DRD3: variants seen among roughly 807,000 people sequenced by gnomAD.
DRD3 encodes the protein dopamine receptor D3.
A neutral mutation model predicts 36.3 loss-of-function variants in DRD3; 19 were observed. The observed-to-expected ratio is 0.52, with a 90% CI of 0.36 to 0.77. The LOEUF is 0.77. DRD3 is among the 30% of genes least tolerant of loss of function. DRD3 has a pLI of 0.00. For missense variants in DRD3, 465 were observed against 505.3 expected (o/e 0.92, Z 0.77); for synonymous variants, 195 against 203.7 (o/e 0.96, Z 0.36).
At chr3:114,176,118 T>C (rs535587054) in intron 1 of DRD3, 1 of 152,298 alleles carries the variant, frequency 6.6e-6, no homozygotes, top group South Asian at 2.1e-4. Flanking sequence ...TGAATAACAG[T>C]CTTCCTGAAA....
chr3:114,131,180 AG>A lies in DRD3; in HGVS notation c.943del (p.Leu315CysfsTer33). 1 of 1,614,180 alleles carries A rather than the reference AG, an allele frequency of 6.2e-7. No individual in the cohort carries two copies. Among genetic ancestry groups the A allele is most frequent in the Non-Finnish European group, 8.5e-7 (1 of 1,180,044 alleles). On this transcript the variant is annotated frameshift_variant, in exon 6 of 7. Transcript: ENST00000383673. LOFTEE classifies it high-confidence loss of function. ...RLSTSLKLGP[L>X]QPRGVPLREK... ...CCGAAGTGGCACTCCCCGAGGTTGC[AG>A]GGGCCCCAGCTTCAAAGATGTCGAT...
chr3:114,131,079 T>G, intron 6 of DRD3, 39 bp downstream of exon 6: 1 of 1,594,192 alleles, frequency 6.3e-7, no homozygotes, highest in Non-Finnish European at 8.6e-7. Flanking sequence ...TAACACAACC[T>G]AACCCAACCC....
intron 3 of DRD3, among the ~76,000 whole-genome samples, chr3:114,150,051 C>T (rs528325116): frequency 2.0e-5 from 3 of 152,212 alleles, no homozygotes; most frequent in Non-Finnish European, 4.4e-5. Flanking sequence ...ATTTGTTCCA[C>T]AGCAATAGAA....
At chr3:114,138,030 G>A (rs1484345803) in intron 5 of DRD3, among the ~76,000 whole-genome samples, 1 of 147,460 alleles carries the variant, frequency 6.8e-6, no homozygotes, top group Non-Finnish European at 1.5e-5. Context: ...TTAGCCAGAT[G>A]TGTTGGTGGG....
chr3:114,129,691 A>G (rs377712372), intron 6 of DRD3, among the ~76,000 whole-genome samples: 5 of 152,298 alleles, frequency 3.3e-5, no homozygotes, highest in Non-Finnish European at 7.4e-5. Context: ...TGTCAGTGAC[A>G]CTGAACAGGA....
At chr3:114,144,553 C>T (rs892723629) in intron 4 of DRD3, among the ~76,000 whole-genome samples, 2 of 152,206 alleles carry the variant, frequency 1.3e-5, no homozygotes, top group African/African-American at 2.4e-5. Flanking sequence ...ACAGCTGGGC[C>T]TGAGCTTCAC....
chr3:114,161,006 C>T (rs1429651771), intron 2 of DRD3, among the ~76,000 whole-genome samples: 2 of 152,164 alleles, frequency 1.3e-5, no homozygotes, highest in Non-Finnish European at 1.5e-5. Flanking sequence ...CCTTTACATA[C>T]CCTAATTGAA....
chr3:114,174,093 A>G lies in DRD3; in HGVS notation c.-35-2066T>C, dbSNP rs36211797. 3.7e-3 allele frequency among the ~76,000 whole-genome samples: 563 copies of G among 152,344 alleles called. 4 individuals are homozygous for G. The highest frequency in any genetic ancestry group is 5.7e-3 in the Non-Finnish European group (391 of 68,026). On this transcript the variant is annotated intron_variant, in intron 1 of 6. Coordinates refer to ENST00000383673, the MANE Select transcript of DRD3 (RefSeq NM_000796.6). ...TATCTTGGCACACTGTTTGCACTCA[A>G]TGTATTTTAAAACATAATAATAATT...
chr3:114,137,471 A>G (rs576243218), intron 5 of DRD3, among the ~76,000 whole-genome samples: 33 of 152,296 alleles, frequency 2.2e-4, no homozygotes, highest in Non-Finnish European at 4.4e-4. Context: ...GTCTTGTTTC[A>G]CTCAAGCCTT....
chr3:114,164,351 G>A (rs1363119418), intron 2 of DRD3, among the ~76,000 whole-genome samples: 2 of 151,482 alleles, frequency 1.3e-5, no homozygotes, highest in African/African-American at 2.4e-5. Context: ...GCAACCAGGT[G>A]GTGTTACTCT....
chr3:114,128,701 C>T lies in DRD3; in HGVS notation c.*15G>A, dbSNP rs199725075. On this transcript the variant is annotated 3_prime_UTR_variant, in exon 7 of 7. Transcript: ENST00000383673. ...GCTAGAAATGGGTACAAAGAGTGTT[C>T]CCTCTTCTGCTCCCTCAGCAAGACA... The T allele has an allele frequency of 1.3e-6, 2 of 1,575,026 alleles. No homozygotes were observed. The highest frequency in any genetic ancestry group is 1.3e-5 in the African/African-American group (1 of 74,152).
At chr3:114,193,705 T>G (rs1298442346) in intron 1 of DRD3, among the ~76,000 whole-genome samples, 2 of 152,226 alleles carry the variant, frequency 1.3e-5, no homozygotes, top group Non-Finnish European at 2.9e-5. Flanking sequence ...TCTTAGGGAT[T>G]TTGTGCATTT....
At chr3:114,146,698 CAAAA>C (rs72463214) in intron 4 of DRD3, among the ~76,000 whole-genome samples, 3 of 58,134 alleles carry the variant, frequency 5.2e-5, no homozygotes, top group Non-Finnish European at 3.7e-5. Flanking sequence ...GACTTGGTCT[CAAAA>C]AAAAAAAAAA....
At chr3:114,139,719 T>G (rs763919375) in intron 4 of DRD3, 23 bp from the exon 5 acceptor site, 1 of 1,609,214 alleles carries the variant, frequency 6.2e-7, no homozygotes, top group Non-Finnish European at 8.5e-7. Context: ...AGGGGGAAGG[T>G]AAAGCAGTTA....
intron 4 of DRD3, among the ~76,000 whole-genome samples, chr3:114,141,783 G>A (rs1436593464): frequency 6.6e-6 from 1 of 152,122 alleles, no homozygotes; most frequent in Non-Finnish European, 1.5e-5. Flanking sequence ...CAGGCATGGT[G>A]GCTCACGCCT....
intron 1 of DRD3, among the ~76,000 whole-genome samples, chr3:114,188,210 CTTT>C (rs57147337): frequency 6.5e-5 from 8 of 122,876 alleles, no homozygotes; most frequent in Admixed American, 2.5e-4. Flanking sequence ...CTTTTTTTCC[CTTT>C]TTTTTTTTTT....
chr3:114,190,280 T>A lies in DRD3; in HGVS notation c.-156+8993A>T, dbSNP rs1055368814. Reference sequence around the variant, plus strand: ...GCTCTTTCTTTGCCAAGCAAAAATATGTCATTCAAGCTGCAATTGCTGGCT... The same window carrying A: ...GCTCTTTCTTTGCCAAGCAAAAATAAGTCATTCAAGCTGCAATTGCTGGCT... On this transcript the variant is annotated intron_variant, in intron 1 of 7. Coordinates refer to the DRD3 transcript ENST00000460779. 4.6e-5 allele frequency among the ~76,000 whole-genome samples: 7 copies of A among 150,854 alleles called. No individual in the cohort carries two copies. In the East Asian group the frequency reaches 1.2e-3, roughly 25 times the overall value.
intron 3 of DRD3, among the ~76,000 whole-genome samples, chr3:114,154,292 T>C (rs2077644815): frequency 6.6e-6 from 1 of 152,160 alleles, no homozygotes; most frequent in South Asian, 2.1e-4. Context: ...CAGAATTTGA[T>C]TTCAATCTCA....
intron 3 of DRD3, among the ~76,000 whole-genome samples, chr3:114,153,080 A>AT (rs1212938142): frequency 6.6e-6 from 1 of 152,198 alleles, no homozygotes; most frequent in East Asian, 1.9e-4. Context: ...GTGCTTGGTG[A>AT]TTAAGTCCGC....
Sources: allele counts gnomAD v4.1 joint callset (sites outside exome capture counted in the v4.1 genomes callset), GRCh38; gene constraint gnomAD v4.1.1; transcripts MANE v1.5; gene names NCBI Gene and HGNC (gene_info 2026-07-23, HGNC 2026-07-21).